The following ATP2C1 variants were observed in gnomAD, a reference collection of about 807,000 sequenced individuals.
ATP2C1 encodes the protein calcium-transporting ATPase type 2C member 1.
In ATP2C1, 31 loss-of-function variants were observed where a neutral mutation model predicts 120.5. The ratio of observed to expected loss-of-function variants is 0.26; its 90% confidence interval spans 0.19 to 0.35. The LOEUF (loss-of-function observed/expected upper bound fraction) is 0.35. ATP2C1 is among the 10% of genes least tolerant of loss of function. The pLI is 1.00. For synonymous variants in ATP2C1, 351 were observed against 358.7 expected (o/e 0.98, Z 0.24); for missense variants, 731 against 1,107.5 (o/e 0.66, Z 4.83).
At chr3:130,941,801 A>G in intron 8 of ATP2C1, 102 bp downstream of exon 8, 1 of 1,020,212 alleles carries the variant, frequency 9.8e-7, no homozygotes, top group Non-Finnish European at 1.5e-6. Flanking sequence ...GATTTGAACC[A>G]TTTGGTATTC....
intron 1 of ATP2C1, among the ~76,000 whole-genome samples, chr3:130,888,617 C>A (rs1461821091): frequency 6.6e-6 from 1 of 152,184 alleles, no homozygotes; most frequent in Non-Finnish European, 1.5e-5. Context: ...CATGGCAGCA[C>A]TGAGTTCAAT....
At chr3:130,854,941 A>T in intron 1 of ATP2C1, among the ~76,000 whole-genome samples, 1 of 152,124 alleles carries the variant, frequency 6.6e-6, no homozygotes, top group East Asian at 1.9e-4. Flanking sequence ...GTCCAAAGAG[A>T]ATTCCACAAG....
intron 6 of ATP2C1, among the ~76,000 whole-genome samples, chr3:130,939,918 T>G (rs1451403013): frequency 3.3e-5 from 5 of 152,236 alleles, no homozygotes; most frequent in Middle Eastern, 3.2e-3. Flanking sequence ...AAGATTCTTT[T>G]GCTTACTACA....
At chr3:130,897,034 G>C (rs2069693002) in intron 2 of ATP2C1, among the ~76,000 whole-genome samples, 1 of 152,220 alleles carries the variant, frequency 6.6e-6, no homozygotes, top group Non-Finnish European at 1.5e-5. Context: ...CTGGCACATA[G>C]TAAGTGCTCG....
intron 1 of ATP2C1, among the ~76,000 whole-genome samples, chr3:130,858,187 G>A (rs2067905515): frequency 6.6e-6 from 1 of 152,002 alleles, no homozygotes; most frequent in South Asian, 2.1e-4. Flanking sequence ...GCCTCTCCCT[G>A]TCCACTGACT....
At chr3:130,890,979 A>G (rs1243036465), upstream of ATP2C1, among the ~76,000 whole-genome samples, 1 of 152,204 alleles carries the variant, frequency 6.6e-6, no homozygotes, top group Non-Finnish European at 1.5e-5. Flanking sequence ...TGGTAGGCCG[A>G]GGCAAGAGGA....
At chr3:130,948,735 C>T (rs1358210455) in intron 8 of ATP2C1, among the ~76,000 whole-genome samples, 3 of 152,070 alleles carry the variant, frequency 2.0e-5, no homozygotes, top group Non-Finnish European at 2.9e-5. Context: ...TGTGGCAACC[C>T]TGTGTCAGGC....
intron 8 of ATP2C1, among the ~76,000 whole-genome samples, chr3:130,945,523 A>G (rs1335541017): frequency 3.8e-5 from 2 of 52,044 alleles, no homozygotes; most frequent in Admixed American, 2.6e-4. Flanking sequence ...CCCTCCCCCC[A>G]CCCCACGACA....
At chr3:130,967,949 C>T (rs1350100528) in intron 16 of ATP2C1, among the ~76,000 whole-genome samples, 1 of 152,182 alleles carries the variant, frequency 6.6e-6, no homozygotes, top group Non-Finnish European at 1.5e-5. Flanking sequence ...TCCTTATCCC[C>T]TAAGTCCTAT....
At chr3:131,004,661 A>G (rs1458252629), downstream of ATP2C1, among the ~76,000 whole-genome samples, 1 of 152,238 alleles carries the variant, frequency 6.6e-6, no homozygotes, top group Non-Finnish European at 1.5e-5. Context: ...GGGATCCTCA[A>G]AGAAATTTGT....
chr3:130,939,914 C>G (rs1033308790), intron 6 of ATP2C1, among the ~76,000 whole-genome samples: 30 of 152,268 alleles, frequency 2.0e-4, no homozygotes, highest in South Asian at 4.1e-4. Context: ...TTAGAAGATT[C>G]TTTTGCTTAC....
At chr3:131,015,041 A>G in intron 26 of ATP2C1, 1 of 507,542 alleles carries the variant, frequency 2.0e-6, no homozygotes, top group Non-Finnish European at 3.5e-6. Flanking sequence ...AAGAGGATCC[A>G]GTCAAGAATG....
At chr3:130,961,791 G>C (rs2060832031) in intron 12 of ATP2C1, among the ~76,000 whole-genome samples, 1 of 151,996 alleles carries the variant, frequency 6.6e-6, no homozygotes, top group Non-Finnish European at 1.5e-5. Context: ...TGACAGAGAA[G>C]ACTTTTCACA....
intron 20 of ATP2C1, among the ~76,000 whole-genome samples, chr3:130,991,280 A>C (rs1487389290): frequency 6.6e-6 from 1 of 152,150 alleles, no homozygotes; most frequent in African/African-American, 2.4e-5. Context: ...TGCGGCTGAG[A>C]GATTAAGTCA....
At chr3:130,860,389 C>T (rs551152408) in intron 1 of ATP2C1, among the ~76,000 whole-genome samples, 1 of 152,368 alleles carries the variant, frequency 6.6e-6, no homozygotes, top group East Asian at 1.9e-4. Flanking sequence ...CTTTCCTACT[C>T]ACCCTAAAGG....
Position 130,932,129 on chromosome 3 carries a change from T to C in ATP2C1, c.225T>C (p.Tyr75=), listed in dbSNP as rs771770797. 6.3e-7 allele frequency: 1 copy of C among 1,591,268 alleles called. No homozygotes were observed. Among genetic ancestry groups the C allele is most frequent in the South Asian group, 1.1e-5 (1 of 90,666 alleles). ...ISEDEPLWKK[Y]ISQFKNPLIM... ...AAGATGAGCCACTGTGGAAGAAGTA[T>C]ATTTCTCAGGTGAGATACTTTTACT... is the stretch of plus-strand genomic sequence containing the variant. The change falls in exon 4 of 28, where the codon TAT becomes TAC. Residue 75 remains tyrosine, a synonymous_variant. Coordinates refer to ENST00000510168, the MANE Select transcript of ATP2C1 (RefSeq NM_001378687.1).
At chr3:130,996,458 T>C (rs1440991841) in intron 23 of ATP2C1, among the ~76,000 whole-genome samples, 1 of 152,244 alleles carries the variant, frequency 6.6e-6, no homozygotes, top group Non-Finnish European at 1.5e-5. Context: ...ATCATGCAGA[T>C]GTAAAAATTC....
chr3:130,943,877 C>T (rs2060027026), intron 8 of ATP2C1, among the ~76,000 whole-genome samples: 1 of 152,192 alleles, frequency 6.6e-6, no homozygotes, highest in Non-Finnish European at 1.5e-5. Flanking sequence ...AAGTCAGTTT[C>T]TCTTCTGGAC....
chr3:130,992,937 T>G lies in ATP2C1; in HGVS notation c.1840-14T>G. The G allele has an allele frequency of 6.2e-7, 1 of 1,605,540 alleles. No homozygotes were observed. The highest frequency in any genetic ancestry group is 8.5e-7 in the Non-Finnish European group (1 of 1,172,588). ...TAATATTGAAGATTTTTAGTGTATC[T>G]TGTATTTTAACAGGTTGCAGTATTT... On this transcript the variant is annotated splice_polypyrimidine_tract_variant and intron_variant, in intron 20 of 27. Transcript: ENST00000510168.
Sources: gnomAD v4.1 joint callset for allele counts (sites outside exome capture counted in the v4.1 genomes callset) on GRCh38, gnomAD v4.1.1 for gene constraint, MANE v1.5 for transcripts, NCBI Gene and HGNC (gene_info 2026-07-23, HGNC 2026-07-21) for gene names.